The following DBNL variants were observed in gnomAD, a reference collection of about 807,000 sequenced individuals.
DBNL encodes drebrin-like protein.
A neutral mutation model predicts 62.2 loss-of-function variants in DBNL; 35 were observed. That is an observed-to-expected ratio of 0.56 (90% CI 0.43 to 0.75). DBNL has a LOEUF of 0.75. Among genes scored for constraint, DBNL ranks in the 30% least tolerant of loss-of-function variants. The probability of loss-of-function intolerance (pLI) is 0.00; values close to 1 mark genes in which losing one functional copy is unlikely to be tolerated. For missense variants in DBNL, 495 were observed against 578.4 expected, an observed-to-expected ratio of 0.86 and a Z score of 1.48; for synonymous variants, 197 against 218.0, an observed-to-expected ratio of 0.90 and a Z score of 0.85.
rs1358947260 is a variant in DBNL, at chr7:44,046,954, G to A, written c.83+2134G>A. On this transcript the variant is annotated intron_variant, in intron 1 of 12. Transcript: ENST00000448521. ...TTTCTCTTCCTCAAACTTACAAGCT[G>A]GTTCCTCTTCAGAGTCCTTGCTCTG... 4.6e-5 allele frequency among the ~76,000 whole-genome samples: 7 copies of A among 152,232 alleles called. No individual in the cohort carries two copies. In the South Asian group the frequency reaches 1.4e-3, roughly 32 times the overall value.
chr7:44,050,468 C>G (rs1322617245), intron 2 of DBNL, 188 bp downstream of exon 2: 2 of 548,530 alleles, frequency 3.6e-6, no homozygotes, highest in East Asian at 3.5e-5. Flanking sequence ...CTCCTTCCCT[C>G]TGGGTGCAGG....
At chr7:44,045,823 G>A (rs910576128) in intron 1 of DBNL, among the ~76,000 whole-genome samples, 2 of 152,184 alleles carry the variant, frequency 1.3e-5, no homozygotes, top group African/African-American at 4.8e-5. Flanking sequence ...CCTCAGCCCT[G>A]GGCCATTAGG....
Position 44,059,042 on chromosome 7 carries a change from G to A in DBNL, c.835+59G>A, listed in dbSNP as rs1017975768. 12 of 1,574,190 alleles carry A rather than the reference G, an allele frequency of 7.6e-6. No homozygotes were observed. Among genetic ancestry groups the A allele is most frequent in the Middle Eastern group, 1.8e-4 (1 of 5,492 alleles). ...GCAGCAGGCTGAGGGGGAGCCTGGG[G>A]TCCTATGTGGGCTCCCCCAAGGCTA... On this transcript the variant is annotated intron_variant, in intron 9 of 12. Transcript: ENST00000448521. This position sits in a 1 kb window ranked among gnomAD's most constrained non-coding sequence, Gnocchi z 4.1.
At position 44,062,624 on chromosome 7, in the gene DBNL, C is replaced by T. The variant is rs1227101440; in HGVS notation, c.*1708C>T. On this transcript the variant is annotated 3_prime_UTR_variant, in exon 13 of 13. Transcript: ENST00000448521. ...CTAGGCTCCTGCCCCTGGTGACACACGTATGGAGTGGGGGAGGGTGGGTGG... is the reference window on the plus strand; with the variant it reads ...CTAGGCTCCTGCCCCTGGTGACACATGTATGGAGTGGGGGAGGGTGGGTGG... 66 of 823,392 alleles carry T rather than the reference C, an allele frequency of 8.0e-5. No individual in the cohort carries two copies. Among genetic ancestry groups the T allele is most frequent in the Admixed American group, 2.1e-5 (1 of 48,464 alleles). 51.0% of individuals were successfully genotyped at this position (823,392 alleles called of 1,614,324 possible).
Position 44,060,830 on chromosome 7 carries a change from G to A in DBNL, c.1207G>A (p.Val403Met). The A allele has an allele frequency of 1.2e-6, 2 of 1,614,122 alleles. No individual in the cohort carries two copies. Among genetic ancestry groups the A allele is most frequent in the Non-Finnish European group, 1.7e-6 (2 of 1,180,000 alleles). The change falls in exon 13 of 13, where the codon GTG becomes ATG. Residue 403 changes from valine (V) to methionine (M), a missense_variant. Coordinates refer to ENST00000448521, the MANE Select transcript of DBNL (RefSeq NM_001014436.3). This position sits in a 1 kb window ranked among gnomAD's most constrained non-coding sequence, Gnocchi z 6.3. ...CGAGAACCTCATCACGGGCATCGAG[G>A]TGATCGACGAAGGCTGGTGGCGTGG... ...DPENLITGIE[V>M]IDEGWWRGYG...
rs2096147539 is a variant in DBNL, at chr7:44,060,829, G to A, written c.1206G>A (p.Glu402=). The change falls in exon 13 of 13, where the codon GAG becomes GAA. Residue 402 remains glutamate, a synonymous_variant. Coordinates refer to ENST00000448521, the MANE Select transcript of DBNL (RefSeq NM_001014436.3). The surrounding 1 kb of genome is among the most constrained non-coding windows in gnomAD (Gnocchi z 6.3). ...FDPENLITGI[E]VIDEGWWRGY... is the part of the protein sequence containing the mutation. ...CCGAGAACCTCATCACGGGCATCGA[G>A]GTGATCGACGAAGGCTGGTGGCGTG... The A allele has an allele frequency of 1.9e-6, 3 of 1,614,124 alleles. No individual in the cohort carries two copies. The highest frequency in any genetic ancestry group is 2.5e-6 in the Non-Finnish European group (3 of 1,180,010).
rs186377719 is a variant in DBNL, at chr7:44,052,047, G to C, written c.252+105G>C. The C allele has an allele frequency of 4.9e-4, 452 of 917,754 alleles. 4 individuals are homozygous for C. The highest frequency in any genetic ancestry group is 7.1e-5 in the Non-Finnish European group (41 of 580,784). 56.9% of individuals were successfully genotyped at this position (917,754 alleles called of 1,614,324 possible). ...CAAAGTGTTTTACTGGCATGACTTAGTAGATCAATAGAACAGCTCTGAGCT... is the reference window on the plus strand; with the variant it reads ...CAAAGTGTTTTACTGGCATGACTTACTAGATCAATAGAACAGCTCTGAGCT... On this transcript the variant is annotated intron_variant, in intron 3 of 12. Transcript: ENST00000448521.
intron 6 of DBNL, 28 bp downstream of exon 6, chr7:44,057,887 C>T: frequency 6.2e-7 from 1 of 1,613,848 alleles, no homozygotes; most frequent in South Asian, 1.1e-5. Context: ...GCATGCTGGG[C>T]ACGTGGGAGT....
chr7:44,055,354 G>A (rs6974371), intron 4 of DBNL, among the ~76,000 whole-genome samples: 40,886 of 151,986 alleles, frequency 0.27, 5,710 homozygotes, highest in African/African-American at 0.33. Context: ...TGTAATCCCA[G>A]CTACTCAGGA....
rs553252166 is a variant in DBNL, at chr7:44,059,720, G to T, written c.1047+62G>T. ...CTGCATACTCAGGAACACTTATCAC[G>T]GGCCGCCTGAGTTTTCTGGGGGCAT... is the stretch of plus-strand genomic sequence containing the variant. On this transcript the variant is annotated intron_variant, in intron 11 of 12. Transcript: ENST00000448521. The surrounding 1 kb of genome is among the most constrained non-coding windows in gnomAD (Gnocchi z 4.1). 14 of 1,463,536 alleles carry T rather than the reference G, an allele frequency of 9.6e-6. No individual in the cohort carries two copies. The highest frequency in any genetic ancestry group is 2.2e-5 in the Admixed American group (1 of 45,384). 90.7% of individuals were successfully genotyped at this position (1,463,536 alleles called of 1,614,324 possible). A position where few individuals can be genotyped will look rare whatever the true frequency, so the allele number is the denominator to read the frequency against.
rs776943642 is a variant in DBNL, at chr7:44,062,742, C to T, written c.*1826C>T. On this transcript the variant is annotated 3_prime_UTR_variant, in exon 13 of 13. Coordinates refer to ENST00000448521, the MANE Select transcript of DBNL (RefSeq NM_001014436.3). ...GACTCCAGGCTGTTGGGGGAGGTGC[C>T]TTTATTGCCCAAGCCCACCCCTCAC... 23 of 1,613,324 alleles carry T rather than the reference C, an allele frequency of 1.4e-5. No individual in the cohort carries two copies. In the South Asian group the frequency reaches 2.4e-4, roughly 17 times the overall value.
chr7:44,052,787 C>G (rs2096128898), intron 3 of DBNL, 80 bp from the exon 4 acceptor site: 5 of 1,543,316 alleles, frequency 3.2e-6, no homozygotes, highest in Non-Finnish European at 3.5e-6. Flanking sequence ...TTCTGGGACA[C>G]AGGGTAGATG....
In DBNL at chr7:44,066,019, G is replaced by A. The variant is rs2096159367; in HGVS notation, c.*5103G>A. 3.8e-6 allele frequency: 1 copy of A among 265,920 alleles called. No individual in the cohort carries two copies. Among genetic ancestry groups the A allele is most frequent in the African/African-American group, 2.2e-5 (1 of 45,644 alleles). 16.5% of individuals were successfully genotyped at this position (265,920 alleles called of 1,614,324 possible). Reference sequence around the variant, plus strand: ...GCGGCCCTCAGCAGGCAGAGGAGGAGAGCCAGAGGAGCTGGTGCAGACCAC... The same window carrying A: ...GCGGCCCTCAGCAGGCAGAGGAGGAAAGCCAGAGGAGCTGGTGCAGACCAC... On this transcript the variant is annotated 3_prime_UTR_variant, in exon 13 of 13. Transcript: ENST00000448521.
rs1343849857 is a variant in DBNL, at chr7:44,067,531, G to C, written c.*6615G>C. ...GAGCCCAAAGAAGGGCTGGACTTCGGGGAAGCAAGCCCCTGCTTCTGACCC... is the reference window on the plus strand; with the variant it reads ...GAGCCCAAAGAAGGGCTGGACTTCGCGGAAGCAAGCCCCTGCTTCTGACCC... On this transcript the variant is annotated 3_prime_UTR_variant, in exon 13 of 13. Transcript: ENST00000448521. 1 of 152,216 alleles carries C rather than the reference G, an allele frequency of 6.6e-6. No individual in the cohort carries two copies. The highest frequency in any genetic ancestry group is 1.5e-5 in the Non-Finnish European group (1 of 68,042). 9.4% of individuals were successfully genotyped at this position (152,216 alleles called of 1,614,324 possible).
chr7:44,054,165 A>G (rs899512334), intron 4 of DBNL, among the ~76,000 whole-genome samples: 1 of 152,104 alleles, frequency 6.6e-6, no homozygotes, highest in Admixed American at 6.6e-5. Flanking sequence ...GCATTCTTTT[A>G]TCAGAGTTTT....
rs1417411872 is a variant in DBNL at position 44,059,385 on chromosome 7, G to C, written c.867G>C (p.Gln289His). The change falls in exon 10 of 13, where the codon CAG (glutamine) becomes CAC (histidine). Residue 289 changes from glutamine to histidine, a missense_variant. Transcript: ENST00000448521. This position sits in a 1 kb window ranked among gnomAD's most constrained non-coding sequence, Gnocchi z 4.1. ...GKLRSPFLQK[Q>H]LTQPETHFGR... ...TGAGGAGCCCCTTCCTGCAGAAGCA[G>C]CTCACCCAACCAGAGACCCACTTTG... 2 of 1,614,084 alleles carry C rather than the reference G, an allele frequency of 1.2e-6. No individual in the cohort carries two copies. The highest frequency in any genetic ancestry group is 2.2e-5 in the South Asian group (2 of 91,086).
rs536110033 is a variant in DBNL at position 44,057,371 on chromosome 7, A to G, written c.475-411A>G. Reference sequence around the variant, plus strand: ...GCTGATGGCTGGGAGCTGCGTCCGCATGCGTGTGGTTGGACGTGATTCCTT... The same window carrying G: ...GCTGATGGCTGGGAGCTGCGTCCGCGTGCGTGTGGTTGGACGTGATTCCTT... On this transcript the variant is annotated intron_variant, in intron 5 of 12. Transcript: ENST00000448521. Among the ~76,000 whole-genome samples the G allele has an allele frequency of 3.3e-5, 5 of 152,248 alleles. No individual in the cohort carries two copies. The South Asian group carries it at 8.3e-4, about 25-fold the overall frequency.
intron 3 of DBNL, 42 bp downstream of exon 3, chr7:44,051,984 C>T: frequency 1.3e-6 from 2 of 1,570,340 alleles, no homozygotes; most frequent in Non-Finnish European, 1.8e-6. Flanking sequence ...CCAGGAAACC[C>T]CATTGTCTTC....
At position 44,065,626 on chromosome 7, in the gene DBNL, A is replaced by C; in HGVS notation, c.*4710A>C. On this transcript the variant is annotated 3_prime_UTR_variant, in exon 13 of 13. Transcript: ENST00000448521. ...TGTCTTCCCAGCCCCCACCCACCCC[A>C]GCCAACTGCCAATCAGCATTCCAGG... 8.3e-7 allele frequency: 1 copy of C among 1,201,960 alleles called. No homozygotes were observed. Among genetic ancestry groups the C allele is most frequent in the Non-Finnish European group, 1.2e-6 (1 of 825,960 alleles). The allele number at this position is 1,201,960 out of a possible 1,614,324, so 74.5% of individuals were successfully genotyped here.
Sources: allele counts gnomAD v4.1 joint callset (sites outside exome capture counted in the v4.1 genomes callset), GRCh38; gene constraint gnomAD v4.1.1; non-coding constraint Gnocchi (gnomAD v3.1); transcripts MANE v1.5; gene names NCBI Gene and HGNC (gene_info 2026-07-23, HGNC 2026-07-21).